Variants in WWOX observed in about 807,000 individuals in gnomAD.
The protein encoded by WWOX is WW domain containing oxidoreductase.
A neutral mutation model predicts 46.2 loss-of-function variants in WWOX; 69 were observed. The ratio of observed to expected loss-of-function variants is 1.49; its 90% CI spans 1.23 to 1.82. The LOEUF (loss-of-function observed/expected upper bound fraction) is 1.82, where lower values mean the gene tolerates loss of function less well. WWOX is among the 40% of genes most tolerant of loss of function. The probability of loss-of-function intolerance (pLI) is 0.00; values close to 1 mark genes in which losing one functional copy is unlikely to be tolerated. For missense variants in WWOX, 919 were observed against 542.6 expected, an observed-to-expected ratio of 1.69 and a Z score of -6.89; for synonymous variants, 359 against 202.6, an observed-to-expected ratio of 1.77 and a Z score of -6.56.
intron 4 of WWOX, among the ~76,000 whole-genome samples, chr16:78,144,041 C>T (rs2034080356): frequency 1.3e-5 from 2 of 152,050 alleles, no homozygotes; most frequent in Non-Finnish European, 2.9e-5. Context: ...CACACATAAA[C>T]CACCACCCCA....
At chr16:78,724,091 A>G (rs1356151955) in intron 8 of WWOX, among the ~76,000 whole-genome samples, 1 of 152,156 alleles carries the variant, frequency 6.6e-6, no homozygotes, top group East Asian at 1.9e-4. Flanking sequence ...TACCTTGGCA[A>G]AAATTCAGGA....
chr16:78,780,265 T>G (rs1427690536), intron 8 of WWOX: 3 of 152,152 alleles, frequency 2.0e-5, no homozygotes, highest in Non-Finnish European at 4.4e-5. Flanking sequence ...GAGAGGGAGA[T>G]CCATAAAGTT....
intron 8 of WWOX, among the ~76,000 whole-genome samples, chr16:78,652,661 CTG>C (rs1356579514): frequency 6.6e-6 from 1 of 152,148 alleles, no homozygotes; most frequent in Non-Finnish European, 1.5e-5. Context: ...ACCCATGACT[CTG>C]GATTTATCAT....
chr16:78,687,630 A>G (rs530361747), intron 8 of WWOX, among the ~76,000 whole-genome samples: 11 of 152,314 alleles, frequency 7.2e-5, no homozygotes, highest in Admixed American at 6.5e-4. Context: ...ATGGTTATCT[A>G]TAGCTCAGGA....
chr16:78,683,565 A>AG (rs2047781452), intron 8 of WWOX, among the ~76,000 whole-genome samples: 1 of 151,648 alleles, frequency 6.6e-6, no homozygotes, highest in Non-Finnish European at 1.5e-5. Flanking sequence ...AAATAATAAA[A>AG]AAAAAATTAC....
intron 8 of WWOX, among the ~76,000 whole-genome samples, chr16:78,800,992 G>GTAA (rs1261572953): frequency 1.3e-5 from 2 of 151,520 alleles, no homozygotes; most frequent in South Asian, 2.1e-4. Context: ...ATCACCCCAT[G>GTAA]TAATAGTTTA....
chr16:79,034,988 C>T (rs1597308216), intron 8 of WWOX, among the ~76,000 whole-genome samples: 1 of 152,056 alleles, frequency 6.6e-6, no homozygotes, highest in African/African-American at 2.4e-5. Flanking sequence ...AAATCATTGT[C>T]CTCTAATTCA....
At chr16:78,833,422 T>TCTC (rs56086314) in intron 8 of WWOX, among the ~76,000 whole-genome samples, 5,687 of 150,346 alleles carry the variant, frequency 0.038, 150 homozygotes, top group Non-Finnish European at 0.059. Context: ...GGCCCAGCCA[T>TCTC]CTCCTCCTCC....
At chr16:78,745,761 C>G (rs1277743021) in intron 8 of WWOX, among the ~76,000 whole-genome samples, 1 of 151,266 alleles carries the variant, frequency 6.6e-6, no homozygotes, top group Admixed American at 6.6e-5. Context: ...TCTTCCTCCT[C>G]TTTTTCCCCC....
intron 8 of WWOX, among the ~76,000 whole-genome samples, chr16:78,861,085 G>A (rs757364437): frequency 2.0e-5 from 3 of 152,142 alleles, no homozygotes; most frequent in Non-Finnish European, 4.4e-5. Flanking sequence ...CTCCCAAAGT[G>A]TTGGGATTAT....
chr16:78,857,253 A>C (rs1311281848), intron 8 of WWOX, among the ~76,000 whole-genome samples: 1 of 152,236 alleles, frequency 6.6e-6, no homozygotes, highest in Non-Finnish European at 1.5e-5. Context: ...GAATTGGCAA[A>C]CATGAAAAAA....
chr16:78,907,180 G>A (rs2044987398), intron 8 of WWOX, among the ~76,000 whole-genome samples: 1 of 152,138 alleles, frequency 6.6e-6, no homozygotes, highest in African/African-American at 2.4e-5. Flanking sequence ...ATGGGCTGTG[G>A]ATGCAATCAT....
At chr16:78,853,459 T>G (rs546494560) in intron 8 of WWOX, among the ~76,000 whole-genome samples, 1 of 152,140 alleles carries the variant, frequency 6.6e-6, no homozygotes, top group South Asian at 2.1e-4. Flanking sequence ...TTATCATTAT[T>G]TATTTAGTTA....
At chr16:78,413,142 C>T (rs1462698423) in intron 6 of WWOX, among the ~76,000 whole-genome samples, 4 of 152,168 alleles carry the variant, frequency 2.6e-5, no homozygotes, top group Admixed American at 1.3e-4. Flanking sequence ...ATTTAATCCA[C>T]ACAGAGCCAG....
At chr16:79,179,470 G>T (rs1409823570) in intron 8 of WWOX, among the ~76,000 whole-genome samples, 2 of 152,150 alleles carry the variant, frequency 1.3e-5, no homozygotes, top group Non-Finnish European at 2.9e-5. Context: ...GCTCCAGTCC[G>T]AACCAAGGGA....
intron 8 of WWOX, among the ~76,000 whole-genome samples, chr16:78,787,550 GT>G (rs1301661676): frequency 6.6e-6 from 1 of 152,036 alleles, no homozygotes; most frequent in Non-Finnish European, 1.5e-5. Flanking sequence ...ACCACTTTTT[GT>G]TTATCCATTT....
At chr16:78,799,999 T>G (rs1200756060) in intron 8 of WWOX, among the ~76,000 whole-genome samples, 1 of 152,122 alleles carries the variant, frequency 6.6e-6, no homozygotes, top group Non-Finnish European at 1.5e-5. Flanking sequence ...ATGAACTCTT[T>G]TTTCTCTCCT....
At chr16:78,892,143 A>AT (rs1297693718) in intron 8 of WWOX, 1 of 152,156 alleles carries the variant, frequency 6.6e-6, no homozygotes, top group Non-Finnish European at 1.5e-5. Context: ...TTTCATACTA[A>AT]TTTTCTACTG....
rs139277210 is a variant in WWOX at position 78,839,231 on chromosome 16, C to G, written c.1057-372377C>G. ...CGAGCCCACCACCCAGAGAGAGTCACCTGCTCTATTTTGATATATTTTCTC... is the reference window on the plus strand; with the variant it reads ...CGAGCCCACCACCCAGAGAGAGTCAGCTGCTCTATTTTGATATATTTTCTC... On this transcript the variant is annotated intron_variant, in intron 8 of 8. Transcript: ENST00000566780. Among the ~76,000 whole-genome samples the G allele has an allele frequency of 7.8e-3, 1,184 of 152,226 alleles. 13 individuals are homozygous for G. The highest frequency in any genetic ancestry group is 0.022 in the South Asian group (106 of 4,804).
Sources: allele counts gnomAD v4.1 joint callset (sites outside exome capture counted in the v4.1 genomes callset), GRCh38; gene constraint gnomAD v4.1.1; transcripts MANE v1.5; gene names NCBI Gene and HGNC (gene_info 2026-07-23, HGNC 2026-07-21).